N4BP2: variants seen among roughly 807,000 people sequenced by gnomAD.
N4BP2 encodes NEDD4 binding protein 2.
In N4BP2, 91 loss-of-function variants were observed where a neutral mutation model predicts 152.8. The ratio of observed to expected loss-of-function variants is 0.60; its 90% confidence interval spans 0.50 to 0.71. The LOEUF (loss-of-function observed/expected upper bound fraction) is 0.71. Among genes scored for constraint, N4BP2 ranks in the 30% least tolerant of loss-of-function variants. The pLI is 0.00. For missense variants in N4BP2, 1,923 were observed against 2,059.1 expected, an observed-to-expected ratio of 0.93 and a Z score of 1.28; for synonymous variants, 646 against 705.3, an observed-to-expected ratio of 0.92 and a Z score of 1.33.
intron 10 of N4BP2, 45 bp from the exon 11 acceptor site, chr4:40,124,115 A>G (rs1227927603): frequency 6.7e-7 from 1 of 1,495,090 alleles, no homozygotes; most frequent in South Asian, 1.1e-5. Context: ...TTGTTTACTA[A>G]TGCACTCCCT....
intron 15 of N4BP2, 66 bp from the exon 16 acceptor site, chr4:40,144,566 T>C (rs1720332468): frequency 7.6e-7 from 1 of 1,310,110 alleles, no homozygotes; most frequent in Non-Finnish European, 1.0e-6. Flanking sequence ...TGGGGCACTA[T>C]TAACTTCCTC....
the N4BP2 span, among the ~76,000 whole-genome samples, chr4:40,190,324 C>T: frequency 6.6e-6 from 1 of 152,216 alleles, no homozygotes; most frequent in African/African-American, 2.4e-5. Context: ...GCATTTGTAA[C>T]GGGGCAACCA....
chr4:40,149,035 C>T (rs1291463131), intron 16 of N4BP2, among the ~76,000 whole-genome samples: 1 of 152,200 alleles, frequency 6.6e-6, no homozygotes, highest in Non-Finnish European at 1.5e-5. Flanking sequence ...AGTGTAGCCA[C>T]TGTGAAAAAT....
the N4BP2 span, among the ~76,000 whole-genome samples, chr4:40,168,345 G>A: frequency 4.6e-4 from 70 of 152,146 alleles, no homozygotes; most frequent in African/African-American, 1.7e-3. Flanking sequence ...CACACTTAGA[G>A]TGATAAAGAA....
At chr4:40,123,065 G>A (rs1718080268) in intron 9 of N4BP2, 62 bp from the exon 10 acceptor site, 8 of 1,090,034 alleles carry the variant, frequency 7.3e-6, no homozygotes, top group Admixed American at 2.0e-5. Flanking sequence ...GGTTTAGTAT[G>A]TTTTCTGCAA....
intron 7 of N4BP2, among the ~76,000 whole-genome samples, chr4:40,116,677 T>A (rs1717368593): frequency 6.6e-6 from 1 of 152,188 alleles, no homozygotes; most frequent in Non-Finnish European, 1.5e-5. Flanking sequence ...TTCTGCTTCA[T>A]TTTTTTCTTG....
At chr4:40,158,464 C>G (rs1163644750), downstream of N4BP2, among the ~76,000 whole-genome samples, 8 of 152,160 alleles carry the variant, frequency 5.3e-5, no homozygotes, top group African/African-American at 1.7e-4. Context: ...TTTCTCTCCT[C>G]ACACCCTGTA....
intron 1 of N4BP2, 38 bp from the exon 2 acceptor site, chr4:40,073,417 T>C (rs1712409113): frequency 6.6e-6 from 1 of 152,118 alleles, no homozygotes; most frequent in Admixed American, 6.6e-5. Flanking sequence ...TATAGTTTGA[T>C]GTGAATTTGA....
rs758757611 is a variant in N4BP2 at position 40,102,237 on chromosome 4, A to G, written c.392A>G (p.Asp131Gly). ...PEEESEDSKM[D>G]SFLDMQLTED... Reference sequence around the variant, plus strand: ...GAAGAGAGTGAAGATTCAAAAATGGATTCATTTTTGGACATGCAGCTAACT... The same window carrying G: ...GAAGAGAGTGAAGATTCAAAAATGGGTTCATTTTTGGACATGCAGCTAACT... The change falls in exon 4 of 18, where the codon GAT becomes GGT. Residue 131 changes from aspartate to glycine, a missense_variant. Asp to Gly is a moderately conservative substitution (Grantham distance 94). Coordinates refer to ENST00000261435, the MANE Select transcript of N4BP2 (RefSeq NM_018177.6). 1 of 1,613,872 alleles carries G rather than the reference A, an allele frequency of 6.2e-7. No individual in the cohort carries two copies. Among genetic ancestry groups the G allele is most frequent in the Non-Finnish European group, 8.5e-7 (1 of 1,179,978 alleles).
At position 40,102,564 on chromosome 4, in the gene N4BP2, C is replaced by G. The variant is rs540844773; in HGVS notation, c.719C>G (p.Pro240Arg). 2 of 1,614,140 alleles carry G rather than the reference C, an allele frequency of 1.2e-6. No individual in the cohort carries two copies. The highest frequency in any genetic ancestry group is 1.7e-6 in the Non-Finnish European group (2 of 1,180,022). The change falls in exon 4 of 18, where the codon CCG becomes CGG. Residue 240 changes from proline to arginine, a missense_variant. Pro to Arg is a moderately radical substitution (Grantham distance 103). Transcript: ENST00000261435. The stretch of plus-strand genomic sequence containing the variant: ...ACATTGGCTTTGGAAAGTAACTACC[C>G]GGAAGATTCTCTTCTCAGTAGTTCT... Reference protein sequence around the residue: ...DNTLALESNYPEDSLLSSSLN... With the variant: ...DNTLALESNYREDSLLSSSLN...
chr4:40,187,373 T>A, the N4BP2 span, among the ~76,000 whole-genome samples: 1 of 152,260 alleles, frequency 6.6e-6, no homozygotes, highest in Admixed American at 6.5e-5. Flanking sequence ...TTTAAATGGC[T>A]ACATGTAATT....
intron 6 of N4BP2, 105 bp downstream of exon 6, chr4:40,112,277 G>A: frequency 1.8e-5 from 13 of 708,000 alleles, no homozygotes; most frequent in Non-Finnish European, 2.9e-5. Context: ...TCAGAACCTT[G>A]GATAGTCTGT....
At chr4:40,104,044 T>C (rs1715989174) in intron 4 of N4BP2, among the ~76,000 whole-genome samples, 1 of 152,010 alleles carries the variant, frequency 6.6e-6, no homozygotes, top group African/African-American at 2.4e-5. Context: ...AAGCTCCGCC[T>C]CCCAGGTTCA....
chr4:40,177,885 A>G, the N4BP2 span, among the ~76,000 whole-genome samples: 1 of 152,312 alleles, frequency 6.6e-6, no homozygotes, highest in East Asian at 1.9e-4. Flanking sequence ...AGGTGCCTGC[A>G]TGGGTTCACT....
rs1278132562 is a variant in N4BP2, at chr4:40,137,386, CAT to C, written c.4785+305_4785+306del. On this transcript the variant is annotated intron_variant, in intron 14 of 17. Coordinates refer to ENST00000261435, the MANE Select transcript of N4BP2 (RefSeq NM_018177.6). Reference sequence around the variant, plus strand: ...TAATGTGATGGGTCTTGAATATAAACATGTGGGCAGAAATATTTAGCCTTTTG... The same window carrying C: ...TAATGTGATGGGTCTTGAATATAAACGTGGGCAGAAATATTTAGCCTTTTG... Among the ~76,000 whole-genome samples the C allele has an allele frequency of 5.3e-5, 8 of 152,274 alleles. No homozygotes were observed. The East Asian group carries it at 7.7e-4, about 15-fold the overall frequency.
intron 2 of N4BP2, among the ~76,000 whole-genome samples, chr4:40,080,295 G>T (rs926564437): frequency 6.7e-6 from 1 of 148,840 alleles, no homozygotes; most frequent in South Asian, 2.2e-4. Context: ...AGGTGATTGG[G>T]AGATAGTGTG....
chr4:40,058,401 A>G (rs1272750792), intron 1 of N4BP2, among the ~76,000 whole-genome samples: 2 of 152,146 alleles, frequency 1.3e-5, no homozygotes, highest in African/African-American at 4.8e-5. Context: ...AGGACCTTTT[A>G]TTATTTAAGT....
the N4BP2 span, among the ~76,000 whole-genome samples, chr4:40,185,045 T>G: frequency 1.3e-5 from 2 of 152,188 alleles, no homozygotes; most frequent in African/African-American, 4.8e-5. Context: ...TTACTCTTTG[T>G]AATAATAAAT....
chr4:40,094,536 C>T (rs1714927930), intron 2 of N4BP2, among the ~76,000 whole-genome samples: 1 of 151,960 alleles, frequency 6.6e-6, no homozygotes, highest in Admixed American at 6.6e-5. Context: ...TTTAGGGTTG[C>T]TATATCTTTT....
Sources: allele counts gnomAD v4.1 joint callset (sites outside exome capture counted in the v4.1 genomes callset), GRCh38; gene constraint gnomAD v4.1.1; transcripts MANE v1.5; gene names NCBI Gene and HGNC (gene_info 2026-07-23, HGNC 2026-07-21).